The following RAD51B variants were observed in gnomAD, a reference collection of about 807,000 sequenced individuals.
RAD51B encodes the protein RAD51 paralog B, also known as DNA repair protein RAD51 homolog 2.
In RAD51B, 38 loss-of-function variants were observed where a neutral mutation model predicts 42.2. The ratio of observed to expected loss-of-function variants is 0.90; its 90% confidence interval spans 0.70 to 1.18. The LOEUF is 1.18. Ranked by LOEUF, RAD51B falls within the 50% of genes most tolerant of loss-of-function variation. RAD51B has a pLI of 0.00. For missense variants in RAD51B, 373 were observed against 400.7 expected, an observed-to-expected ratio of 0.93 and a Z score of 0.59; for synonymous variants, 154 against 145.2, an observed-to-expected ratio of 1.06 and a Z score of -0.43.
intron 9 of RAD51B, among the ~76,000 whole-genome samples, chr14:68,434,156 T>C (rs10438157): frequency 2.0e-5 from 3 of 152,236 alleles, no homozygotes; most frequent in East Asian, 3.9e-4. Flanking sequence ...TGCCCCTACT[T>C]GGGGGTGCCT....
chr14:68,130,423 AT>A (rs2077863270), intron 7 of RAD51B, among the ~76,000 whole-genome samples: 1 of 152,218 alleles, frequency 6.6e-6, no homozygotes, highest in African/African-American at 2.4e-5. Context: ...ATGAAGATAA[AT>A]TCACCAAGAT....
At chr14:68,319,127 G>A (rs1014666610) in intron 8 of RAD51B, among the ~76,000 whole-genome samples, 3 of 152,144 alleles carry the variant, frequency 2.0e-5, no homozygotes, top group Non-Finnish European at 4.4e-5. Flanking sequence ...AGAAGTAAGG[G>A]CCCTGGAAAC....
chr14:68,147,778 AC>A (rs1475186492), intron 7 of RAD51B, among the ~76,000 whole-genome samples: 1 of 146,948 alleles, frequency 6.8e-6, no homozygotes, highest in Non-Finnish European at 1.5e-5. Flanking sequence ...GAAACATGGA[AC>A]CAAAAAAGAT....
At chr14:68,643,700 A>C (rs1892509837) in intron 10 of RAD51B, among the ~76,000 whole-genome samples, 1 of 152,230 alleles carries the variant, frequency 6.6e-6, no homozygotes, top group Non-Finnish European at 1.5e-5. Flanking sequence ...AATAATATGA[A>C]TGCTAAACAT....
At chr14:68,681,988 C>T (rs1467491203) in intron 11 of RAD51B, among the ~76,000 whole-genome samples, 1 of 152,076 alleles carries the variant, frequency 6.6e-6, no homozygotes, top group Admixed American at 6.5e-5. Context: ...GCATCAAAAT[C>T]GCAGAAATCA....
At chr14:68,101,691 A>G (rs891436265) in intron 7 of RAD51B, among the ~76,000 whole-genome samples, 9 of 152,134 alleles carry the variant, frequency 5.9e-5, no homozygotes, top group Non-Finnish European at 2.9e-5. Flanking sequence ...AGGTGTTTTC[A>G]CAGGCTGGTG....
intron 10 of RAD51B, among the ~76,000 whole-genome samples, chr14:68,631,134 A>T (rs1892217805): frequency 1.3e-5 from 2 of 151,456 alleles, no homozygotes; most frequent in South Asian, 2.1e-4. Flanking sequence ...TCCAATTGTT[A>T]AAAAAAAATG....
chr14:68,140,048 A>T (rs1198651950), intron 7 of RAD51B, among the ~76,000 whole-genome samples: 6 of 152,208 alleles, frequency 3.9e-5, no homozygotes, highest in African/African-American at 1.4e-4. Context: ...TTGGCATGCC[A>T]TGCTGATCGT....
chr14:67,950,474 C>T (rs1475791626), intron 7 of RAD51B, among the ~76,000 whole-genome samples: 2 of 152,230 alleles, frequency 1.3e-5, no homozygotes, highest in Non-Finnish European at 2.9e-5. Flanking sequence ...GGGCCTTGCT[C>T]TGGATTAGGC....
intron 7 of RAD51B, among the ~76,000 whole-genome samples, chr14:68,046,985 T>C (rs966060571): frequency 4.6e-5 from 7 of 151,618 alleles, no homozygotes; most frequent in African/African-American, 1.7e-4. Flanking sequence ...TATTCTAACA[T>C]TTCCTATGTT....
intron 7 of RAD51B, among the ~76,000 whole-genome samples, chr14:68,051,406 CAT>C (rs2076391764): frequency 6.6e-6 from 1 of 151,980 alleles, no homozygotes; most frequent in African/African-American, 2.4e-5. Flanking sequence ...TTGTTTTCAA[CAT>C]ATATATTTTT....
chr14:68,181,640 C>T (rs2140884471), intron 7 of RAD51B, among the ~76,000 whole-genome samples: 1 of 152,302 alleles, frequency 6.6e-6, no homozygotes, highest in South Asian at 2.1e-4. Flanking sequence ...CAGTGTCCCT[C>T]AGATGTAAAA....
In RAD51B at chr14:68,579,589, G is replaced by A. The variant is rs536035130; in HGVS notation, c.1037-14896G>A. On this transcript the variant is annotated intron_variant, in intron 10 of 10. Transcript: ENST00000487270. ...AAAATATTTGAGCCATATGTATACC[G>A]AAAAATGATTCCTTGCTTGTCTGAA... Among the ~76,000 whole-genome samples, 15 of 152,264 alleles carry A rather than the reference G, an allele frequency of 9.9e-5. No individual in the cohort carries two copies. The South Asian group carries it at 1.2e-3, about 13-fold the overall frequency.
intron 7 of RAD51B, among the ~76,000 whole-genome samples, chr14:68,107,750 A>G (rs2077398088): frequency 6.6e-6 from 1 of 151,800 alleles, no homozygotes; most frequent in East Asian, 1.9e-4. Flanking sequence ...TACTGGGACA[A>G]TTTACAGCCA....
chr14:68,574,271 C>G (rs144750097), intron 10 of RAD51B, among the ~76,000 whole-genome samples: 2 of 152,056 alleles, frequency 1.3e-5, no homozygotes, highest in Admixed American at 1.3e-4. Flanking sequence ...ATTGGCTGCA[C>G]GCACCAGCAT....
At chr14:68,566,172 T>G (rs1889409159) in intron 10 of RAD51B, among the ~76,000 whole-genome samples, 1 of 152,226 alleles carries the variant, frequency 6.6e-6, no homozygotes. Flanking sequence ...TTTACTAGAA[T>G]GTTTGCTCTG....
At chr14:68,468,447 G>T (rs771604182) in intron 10 of RAD51B, 197 bp downstream of exon 10, 1 of 717,404 alleles carries the variant, frequency 1.4e-6, no homozygotes, top group Non-Finnish European at 2.6e-6. Context: ...GAAGATTGAG[G>T]TAGGGCCGAA....
At chr14:68,174,268 G>A (rs950664766) in intron 7 of RAD51B, among the ~76,000 whole-genome samples, 6 of 151,910 alleles carry the variant, frequency 3.9e-5, no homozygotes, top group Non-Finnish European at 7.4e-5. Flanking sequence ...AGCCTATAGT[G>A]CCAGCTACTC....
intron 10 of RAD51B, among the ~76,000 whole-genome samples, chr14:68,538,050 G>T (rs1306887617): frequency 6.6e-6 from 1 of 152,142 alleles, no homozygotes; most frequent in Non-Finnish European, 1.5e-5. Context: ...GTCTTGCTAG[G>T]AGGGGACCCT....
Sources: allele counts gnomAD v4.1 joint callset (sites outside exome capture counted in the v4.1 genomes callset), GRCh38; gene constraint gnomAD v4.1.1; transcripts MANE v1.5; gene names NCBI Gene and HGNC (gene_info 2026-07-23, HGNC 2026-07-21).